DLGAP2: variants seen among roughly 807,000 people sequenced by gnomAD.
DLGAP2 encodes the protein disks large-associated protein 2.
A neutral mutation model predicts 100.3 loss-of-function variants in DLGAP2; 26 were observed. That is an observed-to-expected ratio of 0.26 (90% confidence interval 0.19 to 0.36). The LOEUF (loss-of-function observed/expected upper bound fraction) is 0.36, where lower values mean the gene tolerates loss of function less well. DLGAP2 is among the 10% of genes least tolerant of loss of function. The pLI is 1.00. For missense variants in DLGAP2, 1,858 were observed against 1,453.2 expected (o/e 1.28, Z -4.53); for synonymous variants, 886 against 630.1 (o/e 1.41, Z -6.08).
chr8:1,255,946 G>A (rs1352648211), intron 2 of DLGAP2, among the ~76,000 whole-genome samples: 2 of 127,780 alleles, frequency 1.6e-5, no homozygotes, highest in Non-Finnish European at 3.2e-5. Flanking sequence ...CTCCTGCCTG[G>A]GTGCTGTGTG....
rs1554467365 is a variant in DLGAP2 at position 1,430,011 on chromosome 8, T to TATATATATAC, written c.107-71346_107-71345insCATATATATA. On this transcript the variant is annotated intron_variant, in intron 3 of 14. Coordinates refer to ENST00000637795, the MANE Select transcript of DLGAP2 (RefSeq NM_001346810.2). ...GGGGAGAGATGCATATATATACATA[T>TATATATATAC]ATATATATATATATATACACACACA... Among the ~76,000 whole-genome samples the TATATATATAC allele has an allele frequency of 6.1e-4, 39 of 63,954 alleles. 3 individuals carry two copies. Among genetic ancestry groups the TATATATATAC allele is most frequent in the African/African-American group, 1.4e-3 (26 of 18,096 alleles). 42.0% of individuals were successfully genotyped at this position (63,954 alleles called of 152,430 possible).
At chr8:1,327,564 G>C (rs1234612757) in intron 3 of DLGAP2, among the ~76,000 whole-genome samples, 1 of 152,204 alleles carries the variant, frequency 6.6e-6, no homozygotes, top group East Asian at 1.9e-4. Context: ...AACATGGTGA[G>C]CCAGGCATGG....
intron 4 of DLGAP2, among the ~76,000 whole-genome samples, chr8:1,505,402 C>T (rs1171004228): frequency 6.6e-6 from 1 of 152,156 alleles, no homozygotes; most frequent in African/African-American, 2.4e-5. Context: ...TTCCAACTCC[C>T]CTCAGTCTTC....
chr8:1,415,460 CT>C (rs34058396), intron 3 of DLGAP2, among the ~76,000 whole-genome samples: 1 of 151,994 alleles, frequency 6.6e-6, no homozygotes, highest in African/African-American at 2.4e-5. Flanking sequence ...TCCCCAGCCC[CT>C]TTTTCCCTCC....
chr8:844,451 C>A (rs1016714188), intron 1 of DLGAP2, among the ~76,000 whole-genome samples: 28 of 152,206 alleles, frequency 1.8e-4, no homozygotes, highest in African/African-American at 6.3e-4. Flanking sequence ...TGTCCTTCCT[C>A]ACCCATCAAG....
intron 1 of DLGAP2, among the ~76,000 whole-genome samples, chr8:845,911 A>G (rs151032937): frequency 1.3e-5 from 2 of 152,336 alleles, no homozygotes; most frequent in African/African-American, 4.8e-5. Flanking sequence ...TCTGTGGAAA[A>G]GACTGTTCTT....
intron 6 of DLGAP2, among the ~76,000 whole-genome samples, chr8:1,605,294 A>C (rs756614938): frequency 6.6e-6 from 1 of 152,074 alleles, no homozygotes; most frequent in Non-Finnish European, 1.5e-5. Flanking sequence ...GAGTGGACCA[A>C]TTTGAGCCGA....
intron 2 of DLGAP2, among the ~76,000 whole-genome samples, chr8:961,714 G>T (rs192978773): frequency 1.1e-3 from 170 of 152,276 alleles, no homozygotes; most frequent in African/African-American, 4.0e-3. Flanking sequence ...ACATAACTAT[G>T]TGAAAATTAT....
intron 2 of DLGAP2, among the ~76,000 whole-genome samples, chr8:999,940 C>T (rs1317139851): frequency 6.6e-6 from 1 of 150,502 alleles, no homozygotes; most frequent in East Asian, 1.9e-4. Context: ...TTTTCTTTTG[C>T]ACTGGATTTT....
chr8:1,445,220 T>C (rs1474431704), intron 3 of DLGAP2, among the ~76,000 whole-genome samples: 3 of 141,356 alleles, frequency 2.1e-5, no homozygotes, highest in South Asian at 2.6e-4. Context: ...GTATATCTCC[T>C]AATGCTATCC....
intron 4 of DLGAP2, among the ~76,000 whole-genome samples, chr8:1,539,263 C>T (rs1346724384): frequency 6.6e-6 from 1 of 152,198 alleles, no homozygotes; most frequent in African/African-American, 2.4e-5. Flanking sequence ...TCAGGCAGCA[C>T]ATATTCTCTG....
At chr8:1,392,782 G>C (rs959166482) in intron 3 of DLGAP2, among the ~76,000 whole-genome samples, 7 of 147,208 alleles carry the variant, frequency 4.8e-5, no homozygotes, top group African/African-American at 7.6e-5. Context: ...TTCTTTCTTC[G>C]GGATAATTGC....
intron 1 of DLGAP2, among the ~76,000 whole-genome samples, chr8:763,939 T>C (rs1189935949): frequency 2.6e-5 from 4 of 152,056 alleles, no homozygotes; most frequent in African/African-American, 9.7e-5. Flanking sequence ...AACCAATTGG[T>C]GTTTGGAGGG....
rs144317859 is a variant in DLGAP2 at position 1,280,180 on chromosome 8, C to G, written c.106+21297C>G. ...TTCATTCCTGATGGTTTTTCATTAG[C>G]TGGTTTGGATGCCTCTGGGGTTTCT... On this transcript the variant is annotated intron_variant, in intron 3 of 14. Transcript: ENST00000637795. 2.8e-4 allele frequency among the ~76,000 whole-genome samples: 42 copies of G among 152,212 alleles called. 1 individual carries two copies. The highest frequency in any genetic ancestry group is 1.2e-3 in the Admixed American group (19 of 15,284).
chr8:1,493,811 G>C (rs1301393275), intron 3 of DLGAP2, among the ~76,000 whole-genome samples: 2 of 152,220 alleles, frequency 1.3e-5, no homozygotes, highest in Non-Finnish European at 2.9e-5. Flanking sequence ...ATGCGGAAGG[G>C]GTGGACGCGG....
chr8:756,589 T>G (rs964001536), intron 1 of DLGAP2, among the ~76,000 whole-genome samples: 1 of 152,160 alleles, frequency 6.6e-6, no homozygotes, highest in African/African-American at 2.4e-5. Flanking sequence ...CCTGAGATCA[T>G]ACTGGGATCT....
intron 2 of DLGAP2, among the ~76,000 whole-genome samples, chr8:1,126,955 G>T (rs891233465): frequency 6.6e-6 from 1 of 151,114 alleles, no homozygotes; most frequent in Non-Finnish European, 1.5e-5. Flanking sequence ...CCCCAACCTT[G>T]TCCCCAGCCC....
chr8:1,423,290 G>A (rs1797149848), intron 3 of DLGAP2, among the ~76,000 whole-genome samples: 1 of 151,988 alleles, frequency 6.6e-6, no homozygotes, highest in South Asian at 2.1e-4. Flanking sequence ...CCCCAGGCCT[G>A]CTCAGTCCAT....
In DLGAP2 at chr8:1,685,120, T is replaced by C. The variant is rs114589140; in HGVS notation, c.2705-6415T>C. ...GTGTGACTTTGTATCTCCTGGGCCA[T>C]CTTCCATGCTGAGACAAAATGGTCT... On this transcript the variant is annotated intron_variant, in intron 12 of 14. Coordinates refer to ENST00000637795, the MANE Select transcript of DLGAP2 (RefSeq NM_001346810.2). Among the ~76,000 whole-genome samples the C allele has an allele frequency of 7.9e-5, 12 of 151,310 alleles. 1 individual carries two copies. The highest frequency in any genetic ancestry group is 2.2e-4 in the African/African-American group (9 of 40,726).
Sources: gnomAD v4.1 joint callset for allele counts (sites outside exome capture counted in the v4.1 genomes callset) on GRCh38, gnomAD v4.1.1 for gene constraint, MANE v1.5 for transcripts, NCBI Gene and HGNC (gene_info 2026-07-23, HGNC 2026-07-21) for gene names.